ST3GAL2: variants seen among roughly 807,000 people sequenced by gnomAD.
ST3GAL2 encodes the protein ST3 beta-galactoside alpha-2,3-sialyltransferase 2.
ST3GAL2 carries 16 observed loss-of-function variants against 37.5 expected under a neutral mutation model. The observed-to-expected ratio is 0.43, with a 90% CI of 0.29 to 0.65. The LOEUF (loss-of-function observed/expected upper bound fraction) is 0.65. Ranked by LOEUF, ST3GAL2 falls within the 30% of genes least tolerant of loss-of-function variation. The pLI is 0.17. For missense variants in ST3GAL2, 383 were observed against 487.8 expected (o/e 0.79, Z 2.02); for synonymous variants, 238 against 202.9 (o/e 1.17, Z -1.47).
rs1463738598 is a variant in ST3GAL2 at position 70,398,624 on chromosome 16, A to G, written c.-94T>C. On this transcript the variant is annotated 5_prime_UTR_variant, in exon 2 of 7. It removes an upstream start codon present in the reference 5' UTR. Transcript: ENST00000342907. ...CGTAGCCTGCCTATTCTGGCACCACATGCAAAGGGCATAGGGGCACGTGCT... is the reference window on the plus strand; with the variant it reads ...CGTAGCCTGCCTATTCTGGCACCACGTGCAAAGGGCATAGGGGCACGTGCT... 8.0e-7 allele frequency: 1 copy of G among 1,257,538 alleles called. No individual in the cohort carries two copies. Among genetic ancestry groups the G allele is most frequent in the Non-Finnish European group, 1.1e-6 (1 of 916,006 alleles). 77.9% of individuals were successfully genotyped at this position (1,257,538 alleles called of 1,614,324 possible). A position where few individuals can be genotyped will look rare whatever the true frequency, so the allele number is the denominator to read the frequency against.
At chr16:70,381,891 C>T in intron 6 of ST3GAL2, 29 bp from the exon 7 acceptor site, 2 of 1,610,354 alleles carry the variant, frequency 1.2e-6, no homozygotes, top group African/African-American at 1.3e-5. Context: ...GAGCGTCACC[C>T]CAGGCGGGGA....
chr16:70,405,540 T>TAAAAAAAAA (rs58998342), intron 1 of ST3GAL2, among the ~76,000 whole-genome samples: 1 of 101,468 alleles, frequency 9.9e-6, no homozygotes, highest in Non-Finnish European at 1.9e-5. Context: ...GACTCCGTCT[T>TAAAAAAAAA]AAAAAAAAAA....
chr16:70,425,466 CA>C (rs1396798815), intron 1 of ST3GAL2, among the ~76,000 whole-genome samples: 4 of 143,120 alleles, frequency 2.8e-5, no homozygotes, highest in Non-Finnish European at 6.2e-5. Context: ...CGTCTCAGGA[CA>C]AAAAAAAAAC....
Position 70,381,794 on chromosome 16 carries a change from G to T in ST3GAL2, c.948C>A (p.Tyr316Ter), listed in dbSNP as rs375230306. ...NWHHYWENNR[Y>*]AGEFRKTGVH... ...CGCCAGTCTTCCGGAACTCGCCCGC[G>T]TACCGGTTGTTCTCCCAGTAGTGGT... Residue 316 changes from tyrosine to a stop codon, truncating the protein, a stop_gained, in exon 7 of 7, where the codon TAC becomes TAA. Coordinates refer to ENST00000342907, the MANE Select transcript of ST3GAL2 (RefSeq NM_006927.4). LOFTEE classifies it high-confidence loss of function. 1 of 1,613,956 alleles carries T rather than the reference G, an allele frequency of 6.2e-7. No homozygotes were observed. The highest frequency in any genetic ancestry group is 8.5e-7 in the Non-Finnish European group (1 of 1,179,966).
chr16:70,402,472 G>A (rs2047562817), intron 1 of ST3GAL2, among the ~76,000 whole-genome samples: 1 of 151,944 alleles, frequency 6.6e-6, no homozygotes, highest in African/African-American at 2.4e-5. Flanking sequence ...TAAAAAATAC[G>A]CAAAGCTAAG....
chr16:70,405,483 G>A (rs1047789462), intron 1 of ST3GAL2, among the ~76,000 whole-genome samples: 4 of 146,172 alleles, frequency 2.7e-5, no homozygotes, highest in African/African-American at 7.7e-5. Flanking sequence ...GGAGCTTGCA[G>A]TGAGCCGAGA....
intron 1 of ST3GAL2, among the ~76,000 whole-genome samples, chr16:70,438,577 G>A (rs1484153643): frequency 2.0e-5 from 3 of 151,792 alleles, no homozygotes; most frequent in Admixed American, 1.3e-4. Context: ...CAGAGGCCGG[G>A]AGACCCAGGG....
At chr16:70,386,458 T>C (rs573730920) in intron 4 of ST3GAL2, among the ~76,000 whole-genome samples, 1 of 152,076 alleles carries the variant, frequency 6.6e-6, no homozygotes, top group Admixed American at 6.5e-5. Context: ...CTCAAAGTGC[T>C]AGGATTACAG....
At chr16:70,413,929 C>A (rs764195726) in intron 1 of ST3GAL2, among the ~76,000 whole-genome samples, 18 of 152,142 alleles carry the variant, frequency 1.2e-4, no homozygotes, top group Admixed American at 8.5e-4. Flanking sequence ...CTTCCAGACT[C>A]AGAGACCAGC....
chr16:70,384,062 G>A (rs1199613494), intron 4 of ST3GAL2, among the ~76,000 whole-genome samples: 4 of 152,038 alleles, frequency 2.6e-5, no homozygotes, highest in Admixed American at 6.6e-5. Flanking sequence ...CCTTCTCTGA[G>A]TGTCTATGGT....
intron 1 of ST3GAL2, among the ~76,000 whole-genome samples, chr16:70,426,815 G>T (rs983124956): frequency 3.3e-5 from 5 of 151,844 alleles, no homozygotes; most frequent in Non-Finnish European, 7.4e-5. Context: ...TGGCCCAAAA[G>T]TGTATTTCAA....
At chr16:70,405,958 G>A (rs2047589446) in intron 1 of ST3GAL2, among the ~76,000 whole-genome samples, 1 of 151,924 alleles carries the variant, frequency 6.6e-6, no homozygotes, top group African/African-American at 2.4e-5. Context: ...CTACTCAGGA[G>A]GCTGAGGCAG....
chr16:70,404,302 T>G (rs1267309929), intron 1 of ST3GAL2, among the ~76,000 whole-genome samples: 1 of 152,004 alleles, frequency 6.6e-6, no homozygotes, highest in African/African-American at 2.4e-5. Context: ...AGAAGAAAGT[T>G]TCGAGAATGA....
chr16:70,407,577 G>A (rs548449680), intron 1 of ST3GAL2, among the ~76,000 whole-genome samples: 9 of 152,198 alleles, frequency 5.9e-5, no homozygotes, highest in Admixed American at 2.0e-4. Context: ...AGGATCCAGA[G>A]GTCAGGGGCA....
intron 1 of ST3GAL2, among the ~76,000 whole-genome samples, chr16:70,425,164 TA>T (rs199849970): frequency 3.3e-5 from 5 of 150,214 alleles, no homozygotes; most frequent in South Asian, 4.2e-4. Flanking sequence ...CTGGGCAACA[TA>T]AAAAAAAAGT....
chr16:70,425,692 T>C (rs2047745019), intron 1 of ST3GAL2, among the ~76,000 whole-genome samples: 2 of 151,760 alleles, frequency 1.3e-5, no homozygotes, highest in African/African-American at 2.4e-5. Flanking sequence ...CACTCCAGCC[T>C]GGGTGGGTAA....
At position 70,377,513 on chromosome 16, in the gene ST3GAL2, C is replaced by G. The variant is rs867285832; in HGVS notation, c.*4176G>C. On this transcript the variant is annotated 3_prime_UTR_variant, in exon 7 of 7. Coordinates refer to ENST00000342907, the MANE Select transcript of ST3GAL2 (RefSeq NM_006927.4). ...AAAAAAAAAAGAGAAAAGCCTCCAT[C>G]GTGACAAAGGGGTTAAATAAGCAAC... 6.7e-6 allele frequency: 1 copy of G among 149,316 alleles called. No homozygotes were observed. The highest frequency in any genetic ancestry group is 2.5e-5 in the African/African-American group (1 of 40,352). 9.2% of individuals were successfully genotyped at this position (149,316 alleles called of 1,614,324 possible).
chr16:70,422,082 A>G (rs1035918169), intron 1 of ST3GAL2, among the ~76,000 whole-genome samples: 2 of 152,182 alleles, frequency 1.3e-5, no homozygotes, highest in Admixed American at 6.5e-5. Context: ...AACATTTCAC[A>G]GGGAATGATG....
intron 3 of ST3GAL2, among the ~76,000 whole-genome samples, chr16:70,391,871 T>C (rs1225016350): frequency 6.6e-6 from 1 of 152,172 alleles, no homozygotes; most frequent in Admixed American, 6.5e-5. Flanking sequence ...AGCCTCCCAA[T>C]GTAGTGGGAT....
Sources: gnomAD v4.1 joint callset for allele counts (sites outside exome capture counted in the v4.1 genomes callset) on GRCh38, gnomAD v4.1.1 for gene constraint, MANE v1.5 for transcripts, NCBI Gene and HGNC (gene_info 2026-07-23, HGNC 2026-07-21) for gene names.